FHIT: variants seen among roughly 807,000 people sequenced by gnomAD.
FHIT encodes the protein bis(5'-adenosyl)-triphosphatase.
In FHIT, 19 loss-of-function variants were observed where a neutral mutation model predicts 17.9. That is an observed-to-expected ratio of 1.06 (90% confidence interval 0.74 to 1.56). FHIT has a LOEUF of 1.56. FHIT is among the 40% of genes most tolerant of loss of function. The pLI is 0.00. For synonymous variants in FHIT, 81 were observed against 69.7 expected, an observed-to-expected ratio of 1.16 and a Z score of -0.81; for missense variants, 248 against 189.2, an observed-to-expected ratio of 1.31 and a Z score of -1.82.
intron 5 of FHIT, among the ~76,000 whole-genome samples, chr3:60,021,496 G>A (rs1349854519): frequency 6.6e-6 from 1 of 152,204 alleles, no homozygotes; most frequent in Non-Finnish European, 1.5e-5. Flanking sequence ...ATTGAGGGAA[G>A]AGCATCATAT....
intron 5 of FHIT, among the ~76,000 whole-genome samples, chr3:60,239,844 C>A (rs1205194702): frequency 6.6e-6 from 1 of 152,066 alleles, no homozygotes; most frequent in Non-Finnish European, 1.5e-5. Context: ...GAAGGGAAGT[C>A]AAATCTATAG....
chr3:60,733,961 T>C (rs1387720339), intron 4 of FHIT, among the ~76,000 whole-genome samples: 1 of 152,170 alleles, frequency 6.6e-6, no homozygotes, highest in African/African-American at 2.4e-5. Flanking sequence ...TAAGGTAATC[T>C]TGAGGATTAA....
At chr3:61,062,160 T>C (rs1198968739) in intron 2 of FHIT, among the ~76,000 whole-genome samples, 1 of 152,184 alleles carries the variant, frequency 6.6e-6, no homozygotes, top group East Asian at 1.9e-4. Flanking sequence ...TTTCAAATAG[T>C]TAATAGTTCC....
chr3:60,093,908 T>C lies in FHIT; in HGVS notation c.104-79756A>G, dbSNP rs1370883733. The stretch of plus-strand genomic sequence containing the variant: ...ATTGCCTACTACAGGCATCAATGTT[T>C]CAAATTTACTTAAAAATCTGTTCAG... On this transcript the variant is annotated intron_variant, in intron 5 of 9. Coordinates refer to ENST00000492590, the MANE Select transcript of FHIT (RefSeq NM_002012.4). Among the ~76,000 whole-genome samples the C allele has an allele frequency of 2.0e-5, 3 of 152,126 alleles. No individual in the cohort carries two copies. The East Asian group carries it at 5.8e-4, about 29-fold the overall frequency.
chr3:60,460,223 A>C (rs2032373540), intron 5 of FHIT, among the ~76,000 whole-genome samples: 2 of 152,180 alleles, frequency 1.3e-5, no homozygotes, highest in South Asian at 2.1e-4. Context: ...TATTTTGGGA[A>C]ACATTAAAAT....
chr3:60,743,426 G>T (rs1553714423), intron 4 of FHIT, among the ~76,000 whole-genome samples: 1 of 152,100 alleles, frequency 6.6e-6, no homozygotes, highest in African/African-American at 2.4e-5. Context: ...TAATACCAGA[G>T]CAAACAAGAT....
chr3:60,769,001 G>A (rs1699948783), intron 4 of FHIT, among the ~76,000 whole-genome samples: 1 of 152,146 alleles, frequency 6.6e-6, no homozygotes, highest in Non-Finnish European at 1.5e-5. Flanking sequence ...CTGTTTGCCA[G>A]GCTTCTGTGA....
intron 8 of FHIT, among the ~76,000 whole-genome samples, chr3:59,870,599 G>A (rs1013377326): frequency 3.3e-5 from 5 of 152,174 alleles, no homozygotes; most frequent in Admixed American, 3.3e-4. Context: ...AAAGCAGAGA[G>A]CCCCATTAAT....
rs529434263 is a variant in FHIT at position 60,471,281 on chromosome 3, G to A, written c.103+65579C>T. ...GGTTCTGAGCTCAGTACAGGACCAGGACTTTCCTTGCAGTCCTTGTGGCCT... is the reference window on the plus strand; with the variant it reads ...GGTTCTGAGCTCAGTACAGGACCAGAACTTTCCTTGCAGTCCTTGTGGCCT... On this transcript the variant is annotated intron_variant, in intron 5 of 9. Coordinates refer to ENST00000492590, the MANE Select transcript of FHIT (RefSeq NM_002012.4). Among the ~76,000 whole-genome samples, 127 of 152,294 alleles carry A rather than the reference G, an allele frequency of 8.3e-4. 2 individuals carry two copies. Among genetic ancestry groups the A allele is most frequent in the South Asian group, 4.6e-3 (22 of 4,818 alleles).
chr3:60,516,140 T>C (rs115537953), intron 5 of FHIT, among the ~76,000 whole-genome samples: 1,840 of 152,262 alleles, frequency 0.012, 34 homozygotes, highest in African/African-American at 0.04. Context: ...TGTTGAAAAA[T>C]TGACTACACC....
chr3:60,312,554 G>A (rs918251374), intron 5 of FHIT, among the ~76,000 whole-genome samples: 3 of 152,162 alleles, frequency 2.0e-5, no homozygotes, highest in African/African-American at 7.2e-5. Flanking sequence ...GCAAAGTTTA[G>A]TGTGAAAACA....
intron 5 of FHIT, among the ~76,000 whole-genome samples, chr3:60,511,211 A>C (rs915961303): frequency 5.3e-5 from 8 of 152,292 alleles, no homozygotes; most frequent in African/African-American, 1.9e-4. Flanking sequence ...CACAAGGATT[A>C]ACAGAGAAAA....
intron 5 of FHIT, among the ~76,000 whole-genome samples, chr3:60,130,749 T>G (rs1186307957): frequency 4.5e-5 from 1 of 22,418 alleles, no homozygotes; most frequent in African/African-American, 1.8e-4. Context: ...AATAGGGGTG[T>G]GTGTGTGTGT....
chr3:60,572,303 T>C (rs1464549620), intron 4 of FHIT, among the ~76,000 whole-genome samples: 1 of 150,998 alleles, frequency 6.6e-6, no homozygotes, highest in Non-Finnish European at 1.5e-5. Flanking sequence ...TCCTTCTAAA[T>C]ATTTGAATGT....
At chr3:61,054,857 C>T (rs566301729) in intron 2 of FHIT, among the ~76,000 whole-genome samples, 12 of 152,256 alleles carry the variant, frequency 7.9e-5, no homozygotes, top group Admixed American at 2.0e-4. Flanking sequence ...ACCCTATACC[C>T]CTGGGACACT....
chr3:61,160,269 C>T (rs914808755), intron 2 of FHIT, among the ~76,000 whole-genome samples: 2 of 146,922 alleles, frequency 1.4e-5, no homozygotes, highest in African/African-American at 5.0e-5. Flanking sequence ...TCATGTGATT[C>T]TGAGGCAATG....
At chr3:60,203,957 G>T (rs890220864) in intron 5 of FHIT, among the ~76,000 whole-genome samples, 4 of 152,096 alleles carry the variant, frequency 2.6e-5, no homozygotes, top group African/African-American at 4.8e-5. Context: ...GTCATGGGGA[G>T]GGGGGTGAAT....
In FHIT at chr3:60,039,516, T is replaced by A. The variant is rs117985516; in HGVS notation, c.104-25364A>T. On this transcript the variant is annotated intron_variant, in intron 5 of 9. Coordinates refer to ENST00000492590, the MANE Select transcript of FHIT (RefSeq NM_002012.4). ...GATGGGCAAGAGAGTCCTTGGAGAA[T>A]GCAGATAATCAAAACAGCACCTAAT... Among the ~76,000 whole-genome samples the A allele has an allele frequency of 2.2e-4, 34 of 152,290 alleles. 2 individuals carry two copies. The East Asian group carries it at 6.4e-3, about 29-fold the overall frequency.
chr3:60,458,246 T>C (rs4679543), intron 5 of FHIT, among the ~76,000 whole-genome samples: 46,558 of 152,008 alleles, frequency 0.31, 7,672 homozygotes, highest in East Asian at 0.57. Context: ...TGGAATACTA[T>C]GCAGCCATAA....
Sources: gnomAD v4.1 joint callset for allele counts (sites outside exome capture counted in the v4.1 genomes callset) on GRCh38, gnomAD v4.1.1 for gene constraint, MANE v1.5 for transcripts, NCBI Gene and HGNC (gene_info 2026-07-23, HGNC 2026-07-21) for gene names.